PLCB1: variants seen among roughly 807,000 people sequenced by gnomAD.
The protein encoded by PLCB1 is phospholipase C beta 1.
Under a neutral mutation model 161.8 loss-of-function variants are expected in PLCB1, and 46 were observed. The observed-to-expected ratio is 0.28, with a 90% CI of 0.22 to 0.36. The LOEUF is 0.36. PLCB1 is among the 10% of genes least tolerant of loss of function. The probability of loss-of-function intolerance (pLI) is 1.00; values close to 1 mark genes in which losing one functional copy is unlikely to be tolerated. For missense variants in PLCB1, 1,016 were observed against 1,472.5 expected (o/e 0.69, Z 5.07); for synonymous variants, 517 against 503.7 (o/e 1.03, Z -0.35).
At chr20:8,293,066 A>G (rs531078257) in intron 2 of PLCB1, among the ~76,000 whole-genome samples, 1 of 152,118 alleles carries the variant, frequency 6.6e-6, no homozygotes, top group South Asian at 2.1e-4. Flanking sequence ...ATTTGATGTC[A>G]TATGTGGTCA....
Position 8,179,846 on chromosome 20 carries a change from C to CTTTTT in PLCB1, c.177+29501_177+29505dup, listed in dbSNP as rs35174594. 1.5e-3 allele frequency among the ~76,000 whole-genome samples: 107 copies of CTTTTT among 71,408 alleles called. 14 individuals are homozygous for CTTTTT. Among genetic ancestry groups the CTTTTT allele is most frequent in the African/African-American group, 3.2e-3 (59 of 18,406 alleles). The allele number at this position is 71,408 out of a possible 152,430, so 46.8% of individuals were successfully genotyped here. A position where few individuals can be genotyped will look rare whatever the true frequency, so the allele number is the denominator to read the frequency against. ...CCTTCAATGCCTAGTTTGTTGAGGG[C>CTTTTT]TTTTTTTTTTTTTTTTTTTTTTTTT... On this transcript the variant is annotated intron_variant, in intron 2 of 31. Coordinates refer to ENST00000338037, the MANE Select transcript of PLCB1 (RefSeq NM_015192.4).
At chr20:8,785,615 G>A (rs1008390047) in intron 27 of PLCB1, among the ~76,000 whole-genome samples, 3 of 152,136 alleles carry the variant, frequency 2.0e-5, no homozygotes, top group Admixed American at 6.5e-5. Context: ...GCAAAAGGAC[G>A]TGGCAGACAG....
rs567068289 is a variant in PLCB1 at position 8,825,897 on chromosome 20, T to C, written c.3423+35636T>C. 2.6e-5 allele frequency among the ~76,000 whole-genome samples: 4 copies of C among 152,262 alleles called. No homozygotes were observed. In the East Asian group the frequency reaches 7.8e-4, roughly 30 times the overall value. The stretch of plus-strand genomic sequence containing the variant: ...AAACAGGGCCTGGAGCCGGATTGGC[T>C]GTAGGATACAGGGAAAGGGAGGAGT... On this transcript the variant is annotated intron_variant, in intron 31 of 31. Coordinates refer to ENST00000338037, the MANE Select transcript of PLCB1 (RefSeq NM_015192.4).
intron 2 of PLCB1, among the ~76,000 whole-genome samples, chr20:8,231,053 CT>C (rs1308103833): frequency 6.6e-6 from 1 of 152,272 alleles, no homozygotes; most frequent in East Asian, 1.9e-4. Context: ...CAACTAATCT[CT>C]GTGTCAAAAT....
intron 2 of PLCB1, among the ~76,000 whole-genome samples, chr20:8,307,794 C>T (rs1006380634): frequency 2.6e-5 from 4 of 151,790 alleles, no homozygotes; most frequent in African/African-American, 7.2e-5. Flanking sequence ...TAGTGGCACG[C>T]GCCTGTAATC....
At chr20:8,514,340 T>A (rs1984020294) in intron 3 of PLCB1, among the ~76,000 whole-genome samples, 1 of 150,644 alleles carries the variant, frequency 6.6e-6, no homozygotes, top group African/African-American at 2.4e-5. Flanking sequence ...CTCGGGAGGC[T>A]GAGGCAGTGG....
At chr20:8,288,603 T>C (rs1334847001) in intron 2 of PLCB1, among the ~76,000 whole-genome samples, 6 of 152,122 alleles carry the variant, frequency 3.9e-5, no homozygotes, top group Non-Finnish European at 5.9e-5. Flanking sequence ...CAGAGGTGCA[T>C]GCATAAACTT....
In PLCB1 at chr20:8,795,890, A is replaced by AAAAAAG. The variant is rs1555791244; in HGVS notation, c.3423+5633_3423+5634insAGAAAA. Among the ~76,000 whole-genome samples the AAAAAAG allele has an allele frequency of 3.0e-3, 426 of 139,742 alleles. 1 individual carries two copies. Among genetic ancestry groups the AAAAAAG allele is most frequent in the East Asian group, 5.0e-3 (24 of 4,790 alleles). 91.7% of individuals were successfully genotyped at this position (139,742 alleles called of 152,430 possible). ...ACCACCCTGTCTCAAAAAAAAAAAA[A>AAAAAAG]AAAAGAAAAGAAAACACGGTTAGTC... On this transcript the variant is annotated intron_variant, in intron 31 of 31. Transcript: ENST00000338037.
chr20:8,316,302 C>G (rs1984649527), intron 2 of PLCB1, among the ~76,000 whole-genome samples: 2 of 152,112 alleles, frequency 1.3e-5, no homozygotes, highest in Non-Finnish European at 2.9e-5. Context: ...TCCATCCCCT[C>G]CCCTCAAAAT....
At chr20:8,662,212 T>C (rs1267840787) in intron 9 of PLCB1, among the ~76,000 whole-genome samples, 1 of 66,670 alleles carries the variant, frequency 1.5e-5, no homozygotes, top group South Asian at 4.5e-4. Flanking sequence ...CTATATTATA[T>C]ATAATTATTA....
At chr20:8,202,863 G>A (rs950698199) in intron 2 of PLCB1, among the ~76,000 whole-genome samples, 3 of 152,126 alleles carry the variant, frequency 2.0e-5, no homozygotes, top group Admixed American at 2.0e-4. Context: ...GGTGAATGTG[G>A]GAGCAGAGAT....
At chr20:8,179,197 G>C (rs753552484) in intron 2 of PLCB1, among the ~76,000 whole-genome samples, 1 of 152,090 alleles carries the variant, frequency 6.6e-6, no homozygotes, top group Non-Finnish European at 1.5e-5. Context: ...GATAAGAATA[G>C]CATCGAGTTT....
At chr20:8,134,878 A>T (rs1025436830) in intron 1 of PLCB1, among the ~76,000 whole-genome samples, 5 of 152,054 alleles carry the variant, frequency 3.3e-5, no homozygotes, top group African/African-American at 1.2e-4. Context: ...TAAAAAAAAA[A>T]AAAAAACCTA....
At chr20:8,134,057 A>G (rs6118083) in intron 1 of PLCB1, among the ~76,000 whole-genome samples, 26,445 of 152,212 alleles carry the variant, frequency 0.17, 2,483 homozygotes, top group Admixed American at 0.2. Context: ...GCTCGTGCCA[A>G]TTATTAAATG....
intron 4 of PLCB1, among the ~76,000 whole-genome samples, chr20:8,638,288 G>A (rs966872770): frequency 6.6e-6 from 1 of 152,082 alleles, no homozygotes; most frequent in Non-Finnish European, 1.5e-5. Context: ...GGAGCCAAGG[G>A]ATACTATTTT....
At chr20:8,757,259 G>C in intron 24 of PLCB1, 81 bp downstream of exon 24, 1 of 1,418,014 alleles carries the variant, frequency 7.1e-7, no homozygotes, top group African/African-American at 1.4e-5. Flanking sequence ...GCTGTGATGT[G>C]GGTAGCTAAA....
At chr20:8,761,854 A>G (rs1192969351) in intron 25 of PLCB1, among the ~76,000 whole-genome samples, 2 of 139,828 alleles carry the variant, frequency 1.4e-5, no homozygotes, top group Non-Finnish European at 3.2e-5. Context: ...TCGGCCTCCC[A>G]AAGTTTTGGG....
At chr20:8,349,123 G>A (rs1986094756) in intron 2 of PLCB1, among the ~76,000 whole-genome samples, 1 of 152,004 alleles carries the variant, frequency 6.6e-6, no homozygotes, top group Non-Finnish European at 1.5e-5. Context: ...AAACTCCATT[G>A]TGTAATAGTT....
At chr20:8,782,952 G>C (rs1354669966) in intron 27 of PLCB1, among the ~76,000 whole-genome samples, 1 of 152,130 alleles carries the variant, frequency 6.6e-6, no homozygotes, top group Non-Finnish European at 1.5e-5. Flanking sequence ...TTTTGAGTTA[G>C]AGTCAAGGAA....
Sources: gnomAD v4.1 joint callset for allele counts (sites outside exome capture counted in the v4.1 genomes callset) on GRCh38, gnomAD v4.1.1 for gene constraint, MANE v1.5 for transcripts, NCBI Gene and HGNC (gene_info 2026-07-23, HGNC 2026-07-21) for gene names.